The following UVSSA variants were observed in gnomAD, a reference collection of about 807,000 sequenced individuals.
UVSSA encodes UV-stimulated scaffold protein A.
In UVSSA, 72 loss-of-function variants were observed where a neutral mutation model predicts 73.9. That is an observed-to-expected ratio of 0.97 (90% CI 0.81 to 1.19). The LOEUF (loss-of-function observed/expected upper bound fraction) is 1.19. Ranked by LOEUF, UVSSA falls within the 50% of genes most tolerant of loss-of-function variation. The pLI, the probability that UVSSA is intolerant of heterozygous loss-of-function variation, is 0.00. For synonymous variants in UVSSA, 454 were observed against 391.3 expected, an observed-to-expected ratio of 1.16 and a Z score of -1.89; for missense variants, 1,150 against 965.0, an observed-to-expected ratio of 1.19 and a Z score of -2.54.
intron 8 of UVSSA, among the ~76,000 whole-genome samples, chr4:1,370,236 C>T (rs1341499389): frequency 6.6e-6 from 1 of 152,212 alleles, no homozygotes; most frequent in Non-Finnish European, 1.5e-5. Flanking sequence ...GTCAGTCTTG[C>T]CTCCGTCACT....
Position 1,383,905 on chromosome 4 carries a change from C to G in UVSSA, c.2001C>G (p.Thr667=). The G allele has an allele frequency of 6.2e-7, 1 of 1,613,126 alleles. No individual in the cohort carries two copies. The highest frequency in any genetic ancestry group is 1.7e-5 in the Admixed American group (1 of 59,984). The change falls in exon 13 of 14, where the codon ACC becomes ACG. Residue 667 remains threonine, a synonymous_variant. Coordinates refer to ENST00000389851, the MANE Select transcript of UVSSA (RefSeq NM_020894.4). The part of the protein sequence containing the change: ...SLTNLKAQAD[T]ARARIGRKVF... ...CCAACCTGAAGGCTCAGGCTGATAC[C>G]GCCCGCGCTCGCATTGGGAGAAAAG... is the stretch of plus-strand genomic sequence containing the variant.
chr4:1,385,371 C>G (rs1008793163), intron 13 of UVSSA: 5 of 191,044 alleles, frequency 2.6e-5, no homozygotes, highest in Non-Finnish European at 5.5e-5. Flanking sequence ...AGCTGGTCAG[C>G]ACAGCACACC....
intron 8 of UVSSA, among the ~76,000 whole-genome samples, chr4:1,373,411 A>C (rs554465987): frequency 1.3e-5 from 2 of 152,298 alleles, no homozygotes; most frequent in South Asian, 4.1e-4. Context: ...GATGGTGCCC[A>C]CCAGATTAAG....
chr4:1,348,369 G>A (rs1293809222), intron 2 of UVSSA, among the ~76,000 whole-genome samples, 180 bp downstream of exon 2: 1 of 152,256 alleles, frequency 6.6e-6, no homozygotes, highest in Non-Finnish European at 1.5e-5. Context: ...GTCGGGGCGT[G>A]TGGCGTTGGG....
intron 11 of UVSSA, 66 bp from the exon 12 acceptor site, chr4:1,380,814 T>G (rs2109300407): frequency 6.3e-7 from 1 of 1,592,946 alleles, no homozygotes; most frequent in South Asian, 1.1e-5. Flanking sequence ...GTCGTGGTGG[T>G]GGGGGGAGGT....
chr4:1,345,416 G>A (rs975517911), upstream of UVSSA, among the ~76,000 whole-genome samples: 1 of 151,974 alleles, frequency 6.6e-6, no homozygotes, highest in Non-Finnish European at 1.5e-5. Flanking sequence ...AGGCCGAGGC[G>A]GGCGGATCAC....
intron 2 of UVSSA, 75 bp downstream of exon 2, chr4:1,348,264 G>GCC: frequency 8.5e-7 from 1 of 1,173,042 alleles, no homozygotes; most frequent in Non-Finnish European, 1.3e-6. Flanking sequence ...CTGCCCTCCT[G>GCC]CCCCCACCTG....
chr4:1,381,806 G>T (rs1005458260), intron 12 of UVSSA, among the ~76,000 whole-genome samples: 1 of 151,924 alleles, frequency 6.6e-6, no homozygotes, highest in Non-Finnish European at 1.5e-5. Context: ...CAAGTAGCTG[G>T]AATTATCATG....
intron 8 of UVSSA, among the ~76,000 whole-genome samples, chr4:1,370,360 G>A (rs1359250715): frequency 5.9e-5 from 9 of 152,212 alleles, no homozygotes; most frequent in Admixed American, 3.9e-4. Flanking sequence ...AGCAACACCC[G>A]GGACACGGCA....
In UVSSA at chr4:1,349,683, C is replaced by A. The variant is rs182881806; in HGVS notation, c.258C>A (p.Phe86Leu). 1 of 1,614,008 alleles carries A rather than the reference C, an allele frequency of 6.2e-7. No homozygotes were observed. Among genetic ancestry groups the A allele is most frequent in the South Asian group, 1.1e-5 (1 of 91,072 alleles). The change falls in exon 3 of 14, where the codon TTC (phenylalanine) becomes TTA (leucine). Residue 86 changes from phenylalanine (F) to leucine (L), a missense_variant. By Grantham distance (22) the Phe-to-Leu change is conservative. Transcript: ENST00000389851. ...TGGTTGTTTCCAACTTCCAGGAGTT[C>A]CTGGAGCTCACGCTGGGCACAGACC... is the stretch of plus-strand genomic sequence containing the variant. ...RMLVVSNFQE[F>L]LELTLGTDPA... is the part of the protein sequence containing the mutation.
downstream of UVSSA, chr4:1,390,380 C>G (rs913140403): frequency 3.9e-5 from 6 of 152,122 alleles, no homozygotes; most frequent in Non-Finnish European, 8.8e-5. Flanking sequence ...CTCACTGCAG[C>G]CTTGACCTCC....
Position 1,352,813 on chromosome 4 carries a change from C to G in UVSSA, c.551-217C>G, listed in dbSNP as rs55638346. 2.0e-3 allele frequency among the ~76,000 whole-genome samples: 302 copies of G among 152,364 alleles called. 4 individuals carry two copies. The highest frequency in any genetic ancestry group is 7.0e-3 in the African/African-American group (292 of 41,570). ...CAGAAAAGTTAGTTGAGCATGGCAT[C>G]ACGTGTCTGTAGTCCCAGCTAATCA... On this transcript the variant is annotated intron_variant, in intron 4 of 13. Coordinates refer to ENST00000389851, the MANE Select transcript of UVSSA (RefSeq NM_020894.4).
intron 3 of UVSSA, among the ~76,000 whole-genome samples, chr4:1,351,377 A>C: frequency 7.6e-6 from 1 of 130,856 alleles, no homozygotes; most frequent in South Asian, 2.4e-4. Context: ...CCTAGTCTTT[A>C]TTTTCTTTCT....
Position 1,361,426 on chromosome 4 carries a change from C to A in UVSSA, c.1177-4894C>A, listed in dbSNP as rs570938386. Among the ~76,000 whole-genome samples, 5 of 152,100 alleles carry A rather than the reference C, an allele frequency of 3.3e-5. No homozygotes were observed. In the East Asian group the frequency reaches 5.8e-4, roughly 18 times the overall value. On this transcript the variant is annotated intron_variant, in intron 7 of 13. Coordinates refer to ENST00000389851, the MANE Select transcript of UVSSA (RefSeq NM_020894.4). ...TGAGTGTAGATTTTATAGTAAAGAA[C>A]CAGTCATTCTAGAAAGCAACGACTT...
intron 10 of UVSSA, 38 bp downstream of exon 10, chr4:1,376,206 A>C: frequency 6.3e-7 from 1 of 1,580,624 alleles, no homozygotes; most frequent in Non-Finnish European, 8.6e-7. Context: ...CAGGGCACAC[A>C]ACCAGGGTCC....
chr4:1,385,918 A>C lies in UVSSA; in HGVS notation c.2087A>C (p.Lys696Thr). The change falls in exon 14 of 14, where the codon AAG becomes ACG. Residue 696 changes from lysine (K) to threonine (T), a missense_variant. Lys to Thr is a moderately conservative substitution (Grantham distance 78, BLOSUM62 -1). Coordinates refer to ENST00000389851, the MANE Select transcript of UVSSA (RefSeq NM_020894.4). The part of the protein sequence containing the change: ...VAAMNRMDQK[K>T]HEKFSNQFNY... Reference sequence around the variant, plus strand: ...GCCATGAACCGGATGGACCAGAAGAAGCACGAGAAGTTTTCAAACCAGTTT... The same window carrying C: ...GCCATGAACCGGATGGACCAGAAGACGCACGAGAAGTTTTCAAACCAGTTT... 6.2e-7 allele frequency: 1 copy of C among 1,614,086 alleles called. No individual in the cohort carries two copies. Among genetic ancestry groups the C allele is most frequent in the Non-Finnish European group, 8.5e-7 (1 of 1,180,036 alleles).
intron 7 of UVSSA, among the ~76,000 whole-genome samples, chr4:1,360,981 A>T (rs1041448309): frequency 1.3e-5 from 2 of 152,212 alleles, no homozygotes; most frequent in African/African-American, 2.4e-5. Context: ...GGCAAACACC[A>T]GTTTGGCTGC....
chr4:1,383,971 G>C, intron 13 of UVSSA, 31 bp downstream of exon 13: 1 of 1,592,610 alleles, frequency 6.3e-7, no homozygotes, highest in East Asian at 2.2e-5. Flanking sequence ...ACCTCCCACC[G>C]CGTGGCCCCC....
rs138227760 is a variant in UVSSA, at chr4:1,383,192, G to A, written c.1862-574G>A. Among the ~76,000 whole-genome samples, 6 of 152,332 alleles carry A rather than the reference G, an allele frequency of 3.9e-5. No homozygotes were observed. The East Asian group carries it at 1.2e-3, about 29-fold the overall frequency. On this transcript the variant is annotated intron_variant, in intron 12 of 13. Transcript: ENST00000389851. The stretch of plus-strand genomic sequence containing the variant: ...GCTTGGGAAGGGCAGTTCTGTCTAG[G>A]AGAGCCCCAGCCTGCATTTCTGAGG...
Sources: gnomAD v4.1 joint callset for allele counts (sites outside exome capture counted in the v4.1 genomes callset) on GRCh38, gnomAD v4.1.1 for gene constraint, MANE v1.5 for transcripts, NCBI Gene and HGNC (gene_info 2026-07-23, HGNC 2026-07-21) for gene names.